The following AGTPBP1 variants were observed in gnomAD, a reference collection of about 807,000 sequenced individuals.
The protein encoded by AGTPBP1 is cytosolic carboxypeptidase 1.
In AGTPBP1, 70 loss-of-function variants were observed where a neutral mutation model predicts 143.9. That is an observed-to-expected ratio of 0.49 (90% CI 0.40 to 0.59). The LOEUF (loss-of-function observed/expected upper bound fraction) is 0.59, where lower values mean the gene tolerates loss of function less well. AGTPBP1 is among the 20% of genes least tolerant of loss of function. The pLI is 0.00. For synonymous variants in AGTPBP1, 463 were observed against 500.2 expected (o/e 0.93, Z 0.99); for missense variants, 1,229 against 1,464.5 (o/e 0.84, Z 2.62).
chr9:85,642,370 C>G (rs1458122813), intron 13 of AGTPBP1, among the ~76,000 whole-genome samples: 1 of 151,408 alleles, frequency 6.6e-6, no homozygotes, highest in Non-Finnish European at 1.5e-5. Flanking sequence ...TGCTCTGTCA[C>G]CAGGCTGGAG....
chr9:85,743,155 C>A (rs1197973935), upstream of AGTPBP1, among the ~76,000 whole-genome samples: 4 of 152,150 alleles, frequency 2.6e-5, no homozygotes, highest in East Asian at 7.7e-4. Context: ...AACGTATTAT[C>A]TGAAAATACC....
intron 7 of AGTPBP1, among the ~76,000 whole-genome samples, chr9:85,671,775 T>C (rs1460039220): frequency 6.6e-6 from 1 of 152,212 alleles, no homozygotes; most frequent in Non-Finnish European, 1.5e-5. Flanking sequence ...TGTCTCTCTG[T>C]GAGCCCTCTT....
At chr9:85,647,744 T>A (rs1216240409) in intron 11 of AGTPBP1, among the ~76,000 whole-genome samples, 2 of 152,086 alleles carry the variant, frequency 1.3e-5, no homozygotes, top group Non-Finnish European at 2.9e-5. Context: ...GGTGGGTGAG[T>A]GTGGCTTCTA....
upstream of AGTPBP1, among the ~76,000 whole-genome samples, chr9:85,744,677 G>A (rs1258477138): frequency 6.6e-6 from 1 of 152,190 alleles, no homozygotes; most frequent in African/African-American, 2.4e-5. Context: ...TGTGTAAGGC[G>A]CAAATTCCTG....
chr9:85,708,480 G>C (rs950222111), intron 2 of AGTPBP1, among the ~76,000 whole-genome samples: 1 of 152,146 alleles, frequency 6.6e-6, no homozygotes, highest in Non-Finnish European at 1.5e-5. Context: ...ATAAGAAATA[G>C]AAAAACCTGA....
intron 17 of AGTPBP1, among the ~76,000 whole-genome samples, chr9:85,599,110 A>AC (rs1829489991): frequency 7.4e-6 from 1 of 135,430 alleles, no homozygotes; most frequent in African/African-American, 2.8e-5. Flanking sequence ...CTTGTCACTG[A>AC]ACACACACAC....
At chr9:85,794,686 A>C in the AGTPBP1 span, among the ~76,000 whole-genome samples, 4 of 152,236 alleles carry the variant, frequency 2.6e-5, no homozygotes, top group South Asian at 8.3e-4. Flanking sequence ...ACAAAGAGGG[A>C]GATGGAATTT....
chr9:85,548,015 A>AC (rs983152283), intron 25 of AGTPBP1, among the ~76,000 whole-genome samples: 14 of 151,766 alleles, frequency 9.2e-5, no homozygotes, highest in African/African-American at 2.2e-4. Context: ...TGAGATTTAC[A>AC]CCCCCCCACA....
chr9:85,716,318 T>C (rs1181285951), intron 1 of AGTPBP1, among the ~76,000 whole-genome samples: 1 of 152,212 alleles, frequency 6.6e-6, no homozygotes, highest in Non-Finnish European at 1.5e-5. Context: ...AAGTTTCCTT[T>C]AACGGAATGC....
rs991067374 is a variant in AGTPBP1 at position 85,546,733 on chromosome 9, A to G, written c.*376T>C. 1 of 156,710 alleles carries G rather than the reference A, an allele frequency of 6.4e-6. No homozygotes were observed. Among genetic ancestry groups the G allele is most frequent in the Non-Finnish European group, 1.4e-5 (1 of 71,340 alleles). 9.7% of individuals were successfully genotyped at this position (156,710 alleles called of 1,614,324 possible). On this transcript the variant is annotated 3_prime_UTR_variant, in exon 26 of 26. Coordinates refer to ENST00000357081, the MANE Select transcript of AGTPBP1 (RefSeq NM_001330701.2). Reference sequence around the variant, plus strand: ...CCATGTACATATATATTAGTTTTCAACAAGTCAGGATTTTCAACAACTCTA... The same window carrying G: ...CCATGTACATATATATTAGTTTTCAGCAAGTCAGGATTTTCAACAACTCTA...
At chr9:85,785,963 A>T in the AGTPBP1 span, 5 of 604,718 alleles carry the variant, frequency 8.3e-6, no homozygotes, top group South Asian at 1.1e-4. Flanking sequence ...TTCATCTAAA[A>T]TAAGTCATTT....
chr9:85,762,384 A>T, the AGTPBP1 span, among the ~76,000 whole-genome samples: 1 of 152,206 alleles, frequency 6.6e-6, no homozygotes, highest in Non-Finnish European at 1.5e-5. Context: ...ATGTCCAACA[A>T]TGATAGACTG....
chr9:85,782,824 A>G, the AGTPBP1 span, among the ~76,000 whole-genome samples: 1 of 152,258 alleles, frequency 6.6e-6, no homozygotes, highest in Non-Finnish European at 1.5e-5. Flanking sequence ...GTTTAGTAAT[A>G]CAGAGGTGTT....
intron 17 of AGTPBP1, among the ~76,000 whole-genome samples, chr9:85,605,211 G>A (rs1383950692): frequency 6.6e-6 from 1 of 151,990 alleles, no homozygotes; most frequent in Admixed American, 6.5e-5. Context: ...TAAAGGTCAA[G>A]GATAAAGAAA....
intron 1 of AGTPBP1, among the ~76,000 whole-genome samples, chr9:85,718,706 G>A (rs1837888715): frequency 6.6e-6 from 1 of 152,100 alleles, no homozygotes; most frequent in Non-Finnish European, 1.5e-5. Flanking sequence ...GGCTTTTGTT[G>A]CCATTGCTTT....
intron 25 of AGTPBP1, among the ~76,000 whole-genome samples, chr9:85,552,923 A>G (rs968983422): frequency 9.2e-5 from 14 of 152,216 alleles, no homozygotes; most frequent in African/African-American, 2.9e-4. Flanking sequence ...ATTATTGGCA[A>G]TTGGTGAATT....
chr9:85,720,243 C>A (rs1294502401), intron 1 of AGTPBP1, among the ~76,000 whole-genome samples: 7 of 152,176 alleles, frequency 4.6e-5, no homozygotes, highest in Non-Finnish European at 1.5e-5. Flanking sequence ...ATGGTACCAG[C>A]TCCTCTTTGT....
At chr9:85,592,880 A>G (rs1242995122) in intron 18 of AGTPBP1, among the ~76,000 whole-genome samples, 176 bp from the exon 19 acceptor site, 7 of 152,212 alleles carry the variant, frequency 4.6e-5, no homozygotes, top group Admixed American at 4.6e-4. Flanking sequence ...AACTATTATT[A>G]GCCAATGACA....
At chr9:85,748,697 C>A in the AGTPBP1 span, among the ~76,000 whole-genome samples, 3 of 152,186 alleles carry the variant, frequency 2.0e-5, no homozygotes, top group Non-Finnish European at 2.9e-5. Flanking sequence ...ACCACTAAAG[C>A]CTTCAGAGTA....
Sources: gnomAD v4.1 joint callset for allele counts (sites outside exome capture counted in the v4.1 genomes callset) on GRCh38, gnomAD v4.1.1 for gene constraint, MANE v1.5 for transcripts, NCBI Gene and HGNC (gene_info 2026-07-23, HGNC 2026-07-21) for gene names.